The following YLPM1 variants were observed in gnomAD, a reference collection of about 807,000 sequenced individuals.
YLPM1 encodes YLP motif containing 1, also known as YLP motif-containing protein 1.
Under a neutral mutation model 230.0 loss-of-function variants are expected in YLPM1, and 99 were observed. That is an observed-to-expected ratio of 0.43 (90% CI 0.37 to 0.51). The LOEUF (loss-of-function observed/expected upper bound fraction) is 0.51, where lower values mean the gene tolerates loss of function less well. Among genes scored for constraint, YLPM1 ranks in the 20% least tolerant of loss-of-function variants. YLPM1 has a pLI of 0.00. For synonymous variants in YLPM1, 984 were observed against 942.5 expected, an observed-to-expected ratio of 1.04 and a Z score of -0.81; for missense variants, 2,592 against 2,707.7, an observed-to-expected ratio of 0.96 and a Z score of 0.95.
At chr14:74,816,108 A>G (rs2091475784) in intron 11 of YLPM1, 95 bp from the exon 12 acceptor site, 12 of 1,138,154 alleles carry the variant, frequency 1.1e-5, no homozygotes, top group Admixed American at 8.6e-5. Context: ...TGTATAGTCT[A>G]TCCTGGAAAA....
intron 17 of YLPM1, chr14:74,822,160 T>C (rs2091526445): frequency 6.6e-6 from 1 of 152,220 alleles, no homozygotes; most frequent in South Asian, 2.1e-4. Context: ...TCTAGTTTTC[T>C]TAAGTTGTAT....
chr14:74,777,077 T>G, intron 1 of YLPM1, among the ~76,000 whole-genome samples: 1 of 150,490 alleles, frequency 6.6e-6, no homozygotes. Flanking sequence ...AAAAAAAAAT[T>G]TTAGCAAGTA....
intron 9 of YLPM1, among the ~76,000 whole-genome samples, chr14:74,810,623 G>A (rs939720769): frequency 6.6e-6 from 1 of 152,112 alleles, no homozygotes; most frequent in Non-Finnish European, 1.5e-5. Flanking sequence ...AATGGGAGAT[G>A]GAGATAGCCA....
chr14:74,781,746 C>T lies in YLPM1; in HGVS notation c.1703C>T (p.Ser568Phe). 6.2e-7 allele frequency: 1 copy of T among 1,613,000 alleles called. No individual in the cohort carries two copies. Residue 568 changes from serine (S) to phenylalanine (F), a missense_variant, in exon 4 of 21, where the codon TCT (serine) becomes TTT (phenylalanine). This residue lies in a region of YLPM1 where 1,862 missense variants were observed against 1,819.8 expected (regional missense o/e 1.02). Transcript: ENST00000325680. ...PGMPPPVMPP[S>F]LPTSVPPPGM... ...ATGCCCCCACCTGTTATGCCACCTT[C>T]TCTACCAACCTCTGTTCCCCCACCA... is the stretch of plus-strand genomic sequence containing the variant.
chr14:74,816,903 A>ATT, intron 13 of YLPM1, 28 bp from the exon 14 acceptor site: 1 of 1,532,602 alleles, frequency 6.5e-7, no homozygotes, highest in Non-Finnish European at 8.7e-7. Flanking sequence ...GCTTTTGCTA[A>ATT]TTCCATATCT....
At chr14:74,775,264 C>T (rs1363929469) in intron 1 of YLPM1, among the ~76,000 whole-genome samples, 1 of 152,158 alleles carries the variant, frequency 6.6e-6, no homozygotes, top group African/African-American at 2.4e-5. Context: ...CTACTGTGTG[C>T]TCTAGCACTA....
chr14:74,815,607 G>GTTTGGTTTTATTGACT (rs2091471876), intron 11 of YLPM1, among the ~76,000 whole-genome samples: 1 of 150,628 alleles, frequency 6.6e-6, no homozygotes, highest in Non-Finnish European at 1.5e-5. Context: ...CACTGCCACC[G>GTTTGGTTTTATTGACT]TTTGGTTTTA....
In YLPM1 at chr14:74,795,339, C is replaced by T. The variant is rs537688668; in HGVS notation, c.2283-2241C>T. On this transcript the variant is annotated intron_variant, in intron 4 of 20. Coordinates refer to ENST00000325680, the MANE Select transcript of YLPM1 (RefSeq NM_019589.3). ...CTTTGAAACTAGACTTTTAGAACAA[C>T]AAAGCCTAAAGTCACAGGGATAGGA... Among the ~76,000 whole-genome samples, 9 of 152,266 alleles carry T rather than the reference C, an allele frequency of 5.9e-5. No individual in the cohort carries two copies. In the East Asian group the frequency reaches 1.7e-3, roughly 29 times the overall value.
At chr14:74,832,568 C>T (rs993853487) in intron 19 of YLPM1, among the ~76,000 whole-genome samples, 1 of 152,146 alleles carries the variant, frequency 6.6e-6, no homozygotes, top group African/African-American at 2.4e-5. Flanking sequence ...CTCCCAGGTT[C>T]AAGCCATTCT....
At chr14:74,813,948 T>C (rs2091456236) in intron 11 of YLPM1, among the ~76,000 whole-genome samples, 1 of 152,216 alleles carries the variant, frequency 6.6e-6, no homozygotes, top group African/African-American at 2.4e-5. Context: ...TGAATGCCTT[T>C]TATTTCTTGC....
chr14:74,797,561 T>C lies in YLPM1; in HGVS notation c.2283-19T>C. On this transcript the variant is annotated intron_variant, in intron 4 of 20. Transcript: ENST00000325680. ...TTCTGCTTTACTGTCTTGAGTAATA[T>C]CTTTTGTTTTACTTGTAGATTTGAT... 2.1e-6 allele frequency: 3 copies of C among 1,445,862 alleles called. No individual in the cohort carries two copies. The South Asian group carries it at 4.6e-5, about 22-fold the overall frequency. The allele number at this position is 1,445,862 out of a possible 1,614,324, so 89.6% of individuals were successfully genotyped here. A position where few individuals can be genotyped will look rare whatever the true frequency, so the allele number is the denominator to read the frequency against.
intron 16 of YLPM1, 107 bp downstream of exon 16, chr14:74,818,421 C>A: frequency 1.3e-6 from 1 of 797,840 alleles, no homozygotes; most frequent in Non-Finnish European, 1.9e-6. Context: ...AGTATTCATA[C>A]AAGAACACCT....
intron 4 of YLPM1, among the ~76,000 whole-genome samples, chr14:74,792,977 A>G (rs897749073): frequency 6.6e-6 from 1 of 152,184 alleles, no homozygotes; most frequent in African/African-American, 2.4e-5. Flanking sequence ...TTGGATATAA[A>G]ATATGATGTT....
intron 6 of YLPM1, among the ~76,000 whole-genome samples, chr14:74,804,333 C>T (rs747095603): frequency 2.6e-5 from 4 of 152,174 alleles, no homozygotes; most frequent in Non-Finnish European, 4.4e-5. Context: ...CTTCAATGTT[C>T]TCCCATGCCT....
Position 74,809,740 on chromosome 14 carries a change from C to T in YLPM1, c.4882C>T (p.Pro1628Ser), listed in dbSNP as rs768437854. The change falls in exon 7 of 21, where the codon CCA becomes TCA. Residue 1628 changes from proline (P) to serine (S), a missense_variant. Physicochemically the swap from Pro to Ser is moderately conservative, Grantham distance 74. Coordinates refer to ENST00000325680, the MANE Select transcript of YLPM1 (RefSeq NM_019589.3). ...PPPGPVPMGM[P>S]PMSKPPPVQQ... ...TCCTGGCCCAGTGCCTATGGGTATGCCACCAATGTCCAAGCCACCACCAGT... is the reference window on the plus strand; with the variant it reads ...TCCTGGCCCAGTGCCTATGGGTATGTCACCAATGTCCAAGCCACCACCAGT... 6.2e-7 allele frequency: 1 copy of T among 1,614,046 alleles called. No individual in the cohort carries two copies. The highest frequency in any genetic ancestry group is 8.5e-7 in the Non-Finnish European group (1 of 1,179,904).
chr14:74,834,165 A>G (rs1211574227), intron 19 of YLPM1, among the ~76,000 whole-genome samples: 1 of 150,720 alleles, frequency 6.6e-6, no homozygotes, highest in Non-Finnish European at 1.5e-5. Flanking sequence ...CCTGGGCAAC[A>G]TAGTGAGACT....
At chr14:74,819,555 G>A (rs1374062555) in intron 16 of YLPM1, among the ~76,000 whole-genome samples, 4 of 152,000 alleles carry the variant, frequency 2.6e-5, no homozygotes, top group Non-Finnish European at 5.9e-5. Context: ...GATTACAGAC[G>A]TGAGCCACCA....
At chr14:74,827,747 G>A (rs953636008) in intron 18 of YLPM1, 1 of 985,340 alleles carries the variant, frequency 1.0e-6, no homozygotes, top group Non-Finnish European at 1.2e-6. Context: ...GTACCCTGTT[G>A]AACCAAGAAC....
chr14:74,808,409 T>C (rs1250397820), intron 6 of YLPM1, among the ~76,000 whole-genome samples: 1 of 152,218 alleles, frequency 6.6e-6, no homozygotes, highest in East Asian at 1.9e-4. Context: ...GGTTGTTGAA[T>C]AGTACGGCTA....
Sources: allele counts gnomAD v4.1 joint callset (sites outside exome capture counted in the v4.1 genomes callset), GRCh38; gene constraint gnomAD v4.1.1; regional missense constraint gnomAD v4.1.1; transcripts MANE v1.5; gene names NCBI Gene and HGNC (gene_info 2026-07-23, HGNC 2026-07-21).